The following TBCD variants were observed in gnomAD, a reference collection of about 807,000 sequenced individuals.
TBCD encodes the protein tubulin-specific chaperone D.
Under a neutral mutation model 169.3 loss-of-function variants are expected in TBCD, and 105 were observed. That is an observed-to-expected ratio of 0.62 (90% CI 0.53 to 0.73). TBCD has a LOEUF of 0.73. TBCD is among the 30% of genes least tolerant of loss of function. TBCD has a pLI of 0.00. For missense variants in TBCD, 1,444 were observed against 1,600.1 expected (o/e 0.90, Z 1.66); for synonymous variants, 700 against 643.9 (o/e 1.09, Z -1.32).
intron 13 of TBCD, among the ~76,000 whole-genome samples, chr17:82,823,323 T>C (rs1040847636): frequency 1.3e-5 from 2 of 152,218 alleles, no homozygotes; most frequent in Admixed American, 6.5e-5. Flanking sequence ...TCTGAGCACG[T>C]CCTGACATGG....
At chr17:82,756,600 C>T (rs1366398061) in intron 2 of TBCD, among the ~76,000 whole-genome samples, 4 of 152,166 alleles carry the variant, frequency 2.6e-5, no homozygotes, top group Non-Finnish European at 4.4e-5. Context: ...CTGCCTCTGC[C>T]TCCCGAGTAG....
At chr17:82,845,422 A>T (rs1167179117) in intron 13 of TBCD, among the ~76,000 whole-genome samples, 1 of 123,272 alleles carries the variant, frequency 8.1e-6, no homozygotes, top group African/African-American at 3.2e-5. Flanking sequence ...CTTCCTCTCC[A>T]TCTTGTCCGG....
At chr17:82,846,910 A>G (rs1375616773) in intron 13 of TBCD, among the ~76,000 whole-genome samples, 1 of 152,166 alleles carries the variant, frequency 6.6e-6, no homozygotes, top group Non-Finnish European at 1.5e-5. Context: ...ACACAGGCTA[A>G]CATGGCCAAG....
intron 9 of TBCD, 132 bp from the exon 10 acceptor site, chr17:82,805,743 T>C (rs1377589043): frequency 6.5e-6 from 7 of 1,084,626 alleles, no homozygotes; most frequent in Non-Finnish European, 7.8e-6. Context: ...TCCCTTCTTA[T>C]CCGGTCTCTG....
intron 13 of TBCD, among the ~76,000 whole-genome samples, chr17:82,850,986 G>A (rs1437223747): frequency 6.6e-6 from 1 of 152,182 alleles, no homozygotes. Context: ...CAGCAGAGGC[G>A]ACTGGCATGA....
rs1026710713 is a variant in TBCD, at chr17:82,889,510, G to C, written c.1534-158G>C. On this transcript the variant is annotated intron_variant, in intron 15 of 38. Transcript: ENST00000355528. The surrounding 1 kb of genome is among the most constrained non-coding windows in gnomAD (Gnocchi z 5.3). ...AAGAGCACCAGGACGTAAAAACAGAGTGACGCACCTTGAGGCTCTGTTCAG... is the reference window on the plus strand; with the variant it reads ...AAGAGCACCAGGACGTAAAAACAGACTGACGCACCTTGAGGCTCTGTTCAG... 3.9e-5 allele frequency among the ~76,000 whole-genome samples: 6 copies of C among 152,224 alleles called. No homozygotes were observed. The highest frequency in any genetic ancestry group is 8.8e-5 in the Non-Finnish European group (6 of 68,040).
In TBCD at chr17:82,874,740, C is replaced by T. The variant is rs997491438; in HGVS notation, c.1475+4360C>T. ...CGTGTGGGATGCTGCTGGTGCGAGC[C>T]TCCCTGCCCAGGAGCCCTGCGCACC... On this transcript the variant is annotated intron_variant, in intron 14 of 38. Transcript: ENST00000355528. This position sits in a 1 kb window ranked among gnomAD's most constrained non-coding sequence, Gnocchi z 5.0. 2.0e-5 allele frequency among the ~76,000 whole-genome samples: 3 copies of T among 152,232 alleles called. No homozygotes were observed. The highest frequency in any genetic ancestry group is 2.9e-5 in the Non-Finnish European group (2 of 68,022).
intron 13 of TBCD, among the ~76,000 whole-genome samples, chr17:82,836,138 G>A (rs1241155761): frequency 1.3e-5 from 2 of 152,248 alleles, no homozygotes; most frequent in African/African-American, 2.4e-5. Flanking sequence ...AGTCCCTACC[G>A]TGTGGGGCAG....
At chr17:82,908,180 G>A (rs890198408) in intron 21 of TBCD, 21 of 388,440 alleles carry the variant, frequency 5.4e-5, no homozygotes, top group Middle Eastern at 8.7e-4. Flanking sequence ...TCCGGGGCGC[G>A]CGGCTGCGGT....
At chr17:82,812,002 G>T (rs1317143416) in intron 12 of TBCD, among the ~76,000 whole-genome samples, 1 of 152,214 alleles carries the variant, frequency 6.6e-6, no homozygotes, top group African/African-American at 2.4e-5. Flanking sequence ...TTCAGGATCT[G>T]TGTGGCTGAT....
Position 82,831,609 on chromosome 17 carries a change from T to C in TBCD, c.1318+16675T>C. On this transcript the variant is annotated intron_variant, in intron 13 of 38. Transcript: ENST00000355528. The surrounding 1 kb of genome is among the most constrained non-coding windows in gnomAD (Gnocchi z 4.6). ...TCGGCCCCGGGTGAGGCAGGAAGTG[T>C]CTCGGGTCTTGGGTTCCGTAGACTG... 6.2e-7 allele frequency: 1 copy of C among 1,614,068 alleles called. No homozygotes were observed. The highest frequency in any genetic ancestry group is 8.5e-7 in the Non-Finnish European group (1 of 1,179,992).
intron 20 of TBCD, 63 bp from the exon 21 acceptor site, chr17:82,907,698 G>A (rs149126155): frequency 1.0e-4 from 165 of 1,584,954 alleles, no homozygotes; most frequent in Middle Eastern, 5.0e-4. Context: ...CAGCTCCTCC[G>A]AGTGTACTCG....
At chr17:82,829,066 CAGAT>C (rs1462209461) in intron 13 of TBCD, among the ~76,000 whole-genome samples, 6 of 148,718 alleles carry the variant, frequency 4.0e-5, no homozygotes, top group East Asian at 2.0e-4. Flanking sequence ...CACACACCCA[CAGAT>C]AGCACACACG....
intron 13 of TBCD, among the ~76,000 whole-genome samples, chr17:82,855,993 C>CCCTTTTTTT (rs373747821): frequency 1.5e-5 from 1 of 66,274 alleles, no homozygotes; most frequent in African/African-American, 7.0e-5. Flanking sequence ...TCCCCCCCCA[C>CCCTTTTTTT]TTTTTTTTTT....
intron 1 of TBCD, 139 bp downstream of exon 1, chr17:82,752,516 T>C: frequency 1.5e-6 from 1 of 685,072 alleles, no homozygotes; most frequent in Non-Finnish European, 1.9e-6. Flanking sequence ...CCGCGGGCCG[T>C]GGTGGGGCGC....
chr17:82,939,520 G>A (rs756540384), intron 37 of TBCD, 44 bp downstream of exon 37: 22 of 1,480,354 alleles, frequency 1.5e-5, no homozygotes, highest in Non-Finnish European at 1.8e-5. Flanking sequence ...GCCTGGCACC[G>A]CCCCTCTTCC....
At chr17:82,904,857 A>G (rs542084046) in intron 19 of TBCD, among the ~76,000 whole-genome samples, 182 of 152,282 alleles carry the variant, frequency 1.2e-3, no homozygotes, top group African/African-American at 4.0e-3. Context: ...ACCCTTGCTG[A>G]CACTGAGGGG....
intron 13 of TBCD, among the ~76,000 whole-genome samples, chr17:82,842,198 A>G (rs375629168): frequency 1.1e-4 from 16 of 152,110 alleles, no homozygotes; most frequent in Non-Finnish European, 7.4e-5. Context: ...GACCCTTGCC[A>G]TGGAGGGTCC....
chr17:82,850,037 TGTTGGCTG>T (rs1567887018), intron 13 of TBCD, among the ~76,000 whole-genome samples: 4 of 102,850 alleles, frequency 3.9e-5, no homozygotes, highest in African/African-American at 1.5e-4. Context: ...GCTGTGCTGT[TGTTGGCTG>T]TGCTGTTGTT....
Sources: gnomAD v4.1 joint callset for allele counts (sites outside exome capture counted in the v4.1 genomes callset) on GRCh38, gnomAD v4.1.1 for gene constraint, Gnocchi (gnomAD v3.1) non-coding constraint, MANE v1.5 for transcripts, NCBI Gene and HGNC (gene_info 2026-07-23, HGNC 2026-07-21) for gene names.